The following PARVB variants were observed in gnomAD, a reference collection of about 807,000 sequenced individuals.
PARVB encodes beta-parvin.
In PARVB, 46 loss-of-function variants were observed where a neutral mutation model predicts 47.0. The observed-to-expected ratio is 0.98, with a 90% CI of 0.77 to 1.25. The LOEUF is 1.25. Ranked by LOEUF, PARVB falls within the 50% of genes most tolerant of loss-of-function variation. PARVB has a pLI of 0.00. For synonymous variants in PARVB, 196 were observed against 196.3 expected (o/e 1.00, Z 0.01); for missense variants, 473 against 471.6 (o/e 1.00, Z -0.03).
At chr22:44,017,782 T>C (rs188483642) in intron 2 of PARVB, among the ~76,000 whole-genome samples, 20 of 152,224 alleles carry the variant, frequency 1.3e-4, no homozygotes, top group Non-Finnish European at 2.4e-4. Context: ...ATGGCTCTTG[T>C]CCATTTTCTC....
chr22:44,088,662 G>C (rs559863620), intron 1 of PARVB, among the ~76,000 whole-genome samples: 14 of 152,238 alleles, frequency 9.2e-5, no homozygotes, highest in East Asian at 3.9e-4. Flanking sequence ...AGTAGAGACA[G>C]GGTTTCATCA....
chr22:44,056,409 G>A (rs1041034614), intron 1 of PARVB, among the ~76,000 whole-genome samples: 6 of 152,214 alleles, frequency 3.9e-5, no homozygotes, highest in Non-Finnish European at 8.8e-5. Context: ...TTCTGCCTGC[G>A]CCATTTCCTG....
rs773946802 is a variant in PARVB at position 44,049,570 on chromosome 22, G to A, written c.112+25119G>A. ...TCGAGGTCAATCAGATTCCTCCAGC[G>A]ATAAAAGGCCTGCTGAGGAAGCGGC... On this transcript the variant is annotated intron_variant, in intron 1 of 12. Coordinates refer to ENST00000338758, the MANE Select transcript of PARVB (RefSeq NM_013327.5). This position sits in a 1 kb window ranked among gnomAD's most constrained non-coding sequence, Gnocchi z 4.0. 2.2e-4 allele frequency among the ~76,000 whole-genome samples: 34 copies of A among 152,224 alleles called. No individual in the cohort carries two copies. The highest frequency in any genetic ancestry group is 1.3e-3 in the Admixed American group (20 of 15,284).
upstream of PARVB, among the ~76,000 whole-genome samples, chr22:44,023,130 G>C (rs5764060): frequency 0.68 from 103,283 of 152,110 alleles, 35,579 homozygotes; most frequent in East Asian, 0.81. Context: ...GTCACCGTCC[G>C]CCTGCCTGTG....
chr22:44,067,487 G>A (rs527368497), intron 1 of PARVB, among the ~76,000 whole-genome samples: 10 of 152,316 alleles, frequency 6.6e-5, no homozygotes, highest in South Asian at 2.1e-4. Context: ...ATACACACAC[G>A]TCAGGAAGAC....
At chr22:44,119,664 A>C (rs888965837) in intron 4 of PARVB, 3 of 443,266 alleles carry the variant, frequency 6.8e-6, no homozygotes, top group African/African-American at 6.0e-5. Flanking sequence ...TTGTTTATTC[A>C]TCAGATGTTG....
chr22:44,091,998 G>A (rs1345949173), intron 1 of PARVB, among the ~76,000 whole-genome samples: 1 of 152,174 alleles, frequency 6.6e-6, no homozygotes, highest in East Asian at 1.9e-4. Context: ...CCCATCACGT[G>A]CCATGCTCTG....
At position 44,148,066 on chromosome 22, in the gene PARVB, A is replaced by G. The variant is rs1275844118; in HGVS notation, c.774+144A>G. On this transcript the variant is annotated intron_variant, in intron 9 of 12. Coordinates refer to ENST00000338758, the MANE Select transcript of PARVB (RefSeq NM_013327.5). ...ATGGATTGAAATGTAATTACAGTCAAAAACCTAACCACAGTGCATAAAATC... is the reference window on the plus strand; with the variant it reads ...ATGGATTGAAATGTAATTACAGTCAGAAACCTAACCACAGTGCATAAAATC... The G allele has an allele frequency of 5.6e-6, 4 of 711,002 alleles. No individual in the cohort carries two copies. The Admixed American group carries it at 6.2e-5, about 11-fold the overall frequency. The allele number at this position is 711,002 out of a possible 1,614,324, so 44.0% of individuals were successfully genotyped here. A position where few individuals can be genotyped will look rare whatever the true frequency, so the allele number is the denominator to read the frequency against.
rs188771393 is a variant in PARVB at position 44,066,673 on chromosome 22, G to A, written c.113-27255G>A. On this transcript the variant is annotated intron_variant, in intron 1 of 12. Coordinates refer to ENST00000338758, the MANE Select transcript of PARVB (RefSeq NM_013327.5). ...AGCCTGTCGACCACTCACTGCCTCC[G>A]TTTCCTCATCTGTTAGATAGGGATG... is the stretch of plus-strand genomic sequence containing the variant. Among the ~76,000 whole-genome samples, 15 of 152,212 alleles carry A rather than the reference G, an allele frequency of 9.9e-5. No homozygotes were observed. The East Asian group carries it at 2.3e-3, about 24-fold the overall frequency.
intron 1 of PARVB, among the ~76,000 whole-genome samples, chr22:44,029,767 G>C (rs184382968): frequency 1.3e-5 from 2 of 151,898 alleles, no homozygotes; most frequent in African/African-American, 4.8e-5. Flanking sequence ...AAAATTAGCC[G>C]GGCGTGGTGG....
At chr22:44,016,676 G>A (rs1039987533) in intron 2 of PARVB, among the ~76,000 whole-genome samples, 6 of 152,184 alleles carry the variant, frequency 3.9e-5, no homozygotes, top group African/African-American at 1.4e-4. Flanking sequence ...GCTGAAGGGG[G>A]CTGGAAGGGT....
In PARVB at chr22:44,049,099, C is replaced by G. The variant is rs556243252; in HGVS notation, c.112+24648C>G. 6.6e-6 allele frequency among the ~76,000 whole-genome samples: 1 copy of G among 152,290 alleles called. No homozygotes were observed. The highest frequency in any genetic ancestry group is 2.1e-4 in the South Asian group (1 of 4,822). ...GCTTTCCGGCTCCAGGGCTGGTGCCCTCTGTCCTGTGCCACTTCCCCTGCA... is the reference window on the plus strand; with the variant it reads ...GCTTTCCGGCTCCAGGGCTGGTGCCGTCTGTCCTGTGCCACTTCCCCTGCA... On this transcript the variant is annotated intron_variant, in intron 1 of 12. Coordinates refer to ENST00000338758, the MANE Select transcript of PARVB (RefSeq NM_013327.5). This position sits in a 1 kb window ranked among gnomAD's most constrained non-coding sequence, Gnocchi z 4.0.
At chr22:44,083,237 C>T (rs1294015383) in intron 1 of PARVB, among the ~76,000 whole-genome samples, 1 of 152,220 alleles carries the variant, frequency 6.6e-6, no homozygotes, top group Non-Finnish European at 1.5e-5. Flanking sequence ...AGTTCCCTGA[C>T]TTTCTCTTGT....
intron 1 of PARVB, chr22:44,081,618 TATGAAGTG>T (rs2051902092): frequency 2.0e-6 from 2 of 985,212 alleles, no homozygotes; most frequent in African/African-American, 1.7e-5. Flanking sequence ...TGCTTTCCTT[TATGAAGTG>T]CGTTTCTCTA....
chr22:44,087,413 C>T (rs2052048945), intron 1 of PARVB, among the ~76,000 whole-genome samples: 1 of 152,228 alleles, frequency 6.6e-6, no homozygotes, highest in Non-Finnish European at 1.5e-5. Context: ...GCCTTTGTGT[C>T]TGGGCCAGAC....
rs563255186 is a variant in PARVB, at chr22:44,044,348, G to A, written c.112+19897G>A. On this transcript the variant is annotated intron_variant, in intron 1 of 12. Transcript: ENST00000338758. ...TGGGACTACAGGCACCCGCCACAGT[G>A]CCTGGCTAATTTTTTGTGTTTTTAG... Among the ~76,000 whole-genome samples, 9 of 151,740 alleles carry A rather than the reference G, an allele frequency of 5.9e-5. No individual in the cohort carries two copies. The South Asian group carries it at 1.3e-3, about 21-fold the overall frequency.
At chr22:44,154,845 G>T (rs1317049044) in intron 10 of PARVB, among the ~76,000 whole-genome samples, 3 of 142,118 alleles carry the variant, frequency 2.1e-5, no homozygotes, top group Admixed American at 7.1e-5. Flanking sequence ...TGTGTGTGTG[G>T]TTTATGCAGT....
chr22:44,087,630 A>G (rs865906120), intron 1 of PARVB, among the ~76,000 whole-genome samples: 1 of 152,292 alleles, frequency 6.6e-6, no homozygotes, highest in Middle Eastern at 3.4e-3. Context: ...AAAGGGGGAA[A>G]AAAAGCTGCC....
At chr22:44,016,732 G>A (rs2050587201) in intron 2 of PARVB, among the ~76,000 whole-genome samples, 1 of 152,096 alleles carries the variant, frequency 6.6e-6, no homozygotes, top group Non-Finnish European at 1.5e-5. Flanking sequence ...TTATGTGCCT[G>A]GTGCTTCAAC....
Sources: gnomAD v4.1 joint callset for allele counts (sites outside exome capture counted in the v4.1 genomes callset) on GRCh38, gnomAD v4.1.1 for gene constraint, Gnocchi (gnomAD v3.1) non-coding constraint, MANE v1.5 for transcripts, NCBI Gene and HGNC (gene_info 2026-07-23, HGNC 2026-07-21) for gene names.